The following ENTREP2 variants were observed in gnomAD, a reference collection of about 807,000 sequenced individuals.
The protein encoded by ENTREP2 is endosomal transmembrane epsin interactor 2.
the ENTREP2 span, among the ~76,000 whole-genome samples, chr15:29,580,981 G>A: frequency 5.3e-5 from 8 of 152,144 alleles, no homozygotes; most frequent in African/African-American, 1.9e-4. Context: ...CCTAAGCCAT[G>A]TAAAGATCAG....
the ENTREP2 span, among the ~76,000 whole-genome samples, chr15:29,208,677 C>T: frequency 2.6e-5 from 4 of 152,134 alleles, no homozygotes; most frequent in Non-Finnish European, 5.9e-5. Flanking sequence ...TACCTATATA[C>T]CTATAGGTAT....
chr15:29,364,598 C>T, the ENTREP2 span, among the ~76,000 whole-genome samples: 2 of 152,168 alleles, frequency 1.3e-5, no homozygotes, highest in South Asian at 2.1e-4. Flanking sequence ...CACTTACTCC[C>T]GTTTTGGATA....
At chr15:29,428,591 A>T in the ENTREP2 span, among the ~76,000 whole-genome samples, 1 of 152,168 alleles carries the variant, frequency 6.6e-6, no homozygotes, top group Non-Finnish European at 1.5e-5. Context: ...AAATTTCTGA[A>T]TTGTTTAAAT....
the ENTREP2 span, chr15:29,123,260 CTT>C: frequency 7.1e-7 from 1 of 1,407,692 alleles, no homozygotes; most frequent in Non-Finnish European, 9.4e-7. Context: ...CTGAAGGCCT[CTT>C]TGTCAGGCAT....
the ENTREP2 span, among the ~76,000 whole-genome samples, chr15:29,520,243 G>C: frequency 6.6e-6 from 1 of 152,112 alleles, no homozygotes; most frequent in Non-Finnish European, 1.5e-5. Flanking sequence ...ACAAATTGAA[G>C]AATAGTTCTA....
the ENTREP2 span, chr15:29,269,773 C>G: frequency 1.2e-5 from 16 of 1,374,198 alleles, no homozygotes; most frequent in Middle Eastern, 2.3e-4. Flanking sequence ...TGCGGGTCGG[C>G]GACCCGCTAA....
chr15:29,407,721 G>A, the ENTREP2 span, among the ~76,000 whole-genome samples: 1 of 152,082 alleles, frequency 6.6e-6, no homozygotes, highest in African/African-American at 2.4e-5. Flanking sequence ...ATGCTGGAGT[G>A]CAGTGGCTCG....
At chr15:29,566,326 T>C in the ENTREP2 span, among the ~76,000 whole-genome samples, 1 of 151,210 alleles carries the variant, frequency 6.6e-6, no homozygotes, top group Non-Finnish European at 1.5e-5. Context: ...GCCCAGCTAG[T>C]TTTTTGTATT....
chr15:29,201,352 G>T, the ENTREP2 span, among the ~76,000 whole-genome samples: 1 of 152,134 alleles, frequency 6.6e-6, no homozygotes, highest in Non-Finnish European at 1.5e-5. Flanking sequence ...TGCTTGCCTT[G>T]TTCCTGATCT....
chr15:29,531,937 A>T, the ENTREP2 span, among the ~76,000 whole-genome samples: 3 of 152,210 alleles, frequency 2.0e-5, no homozygotes, highest in Non-Finnish European at 4.4e-5. Flanking sequence ...AAGGGCTAGG[A>T]TTACAGGCGT....
At chr15:29,603,233 C>G in the ENTREP2 span, among the ~76,000 whole-genome samples, 1 of 152,252 alleles carries the variant, frequency 6.6e-6, no homozygotes, top group South Asian at 2.1e-4. Flanking sequence ...GCATAGCTTC[C>G]AGAGAGGTCA....
chr15:29,284,139 T>C, the ENTREP2 span, among the ~76,000 whole-genome samples: 1 of 152,142 alleles, frequency 6.6e-6, no homozygotes, highest in African/African-American at 2.4e-5. Context: ...CAATCGAGTC[T>C]TAAGATTGAA....
At chr15:29,583,027 T>A in the ENTREP2 span, among the ~76,000 whole-genome samples, 1 of 152,096 alleles carries the variant, frequency 6.6e-6, no homozygotes, top group Admixed American at 6.6e-5. Context: ...AGAATGATCA[T>A]GACCAAAATA....
chr15:29,650,202 G>GT, the ENTREP2 span, among the ~76,000 whole-genome samples: 704 of 152,180 alleles, frequency 4.6e-3, 6 homozygotes, highest in African/African-American at 0.016. Context: ...TTAGACAATG[G>GT]TTTTTCCCAC....
At chr15:29,274,608 AG>A in the ENTREP2 span, among the ~76,000 whole-genome samples, 1 of 152,218 alleles carries the variant, frequency 6.6e-6, no homozygotes, top group African/African-American at 2.4e-5. Context: ...AGTGCCTGGC[AG>A]GGTAGTTTGA....
the ENTREP2 span, chr15:29,268,683 G>C: frequency 9.2e-7 from 1 of 1,082,534 alleles, no homozygotes; most frequent in East Asian, 2.5e-5. Flanking sequence ...ACACATTGAA[G>C]CGTTTACAGC....
the ENTREP2 span, among the ~76,000 whole-genome samples, chr15:29,249,558 A>T: frequency 6.6e-6 from 1 of 151,994 alleles, no homozygotes; most frequent in East Asian, 1.9e-4. Context: ...TTATATATGA[A>T]ATTTTGTTTT....
the ENTREP2 span, among the ~76,000 whole-genome samples, chr15:29,399,408 A>G: frequency 6.6e-6 from 1 of 152,228 alleles, no homozygotes; most frequent in Admixed American, 6.5e-5. Flanking sequence ...AAAAGGAAAA[A>G]TAAAAGAAAG....
the ENTREP2 span, among the ~76,000 whole-genome samples, chr15:29,516,958 A>G: frequency 4.9e-5 from 7 of 142,872 alleles, no homozygotes; most frequent in South Asian, 1.6e-3. Context: ...GAAATAAAAC[A>G]ATTATGAGCC....
Sources: allele counts gnomAD v4.1 joint callset (sites outside exome capture counted in the v4.1 genomes callset), GRCh38; gene constraint gnomAD v4.1.1; transcripts MANE v1.5; gene names NCBI Gene and HGNC (gene_info 2026-07-23, HGNC 2026-07-21).